FHIT: variants seen among roughly 807,000 people sequenced by gnomAD.
FHIT encodes the protein fragile histidine triad diadenosine triphosphatase, also known as bis(5'-adenosyl)-triphosphatase.
Under a neutral mutation model 17.9 loss-of-function variants are expected in FHIT, and 19 were observed. That is an observed-to-expected ratio of 1.06 (90% CI 0.74 to 1.56). The LOEUF is 1.56. FHIT is among the 40% of genes most tolerant of loss of function. The pLI is 0.00. For missense variants in FHIT, 248 were observed against 189.2 expected (o/e 1.31, Z -1.82); for synonymous variants, 81 against 69.7 (o/e 1.16, Z -0.81).
At chr3:60,174,546 T>C (rs1198399250) in intron 5 of FHIT, among the ~76,000 whole-genome samples, 1 of 152,148 alleles carries the variant, frequency 6.6e-6, no homozygotes, top group Non-Finnish European at 1.5e-5. Flanking sequence ...AAAACAGAAG[T>C]TCAGAGAGAA....
intron 5 of FHIT, among the ~76,000 whole-genome samples, chr3:60,447,010 C>T (rs2031384890): frequency 6.6e-6 from 1 of 152,024 alleles, no homozygotes; most frequent in Non-Finnish European, 1.5e-5. Context: ...CTTGTCTCTT[C>T]AGCCTTATGA....
At chr3:60,403,139 C>T (rs910890345) in intron 5 of FHIT, among the ~76,000 whole-genome samples, 1 of 152,122 alleles carries the variant, frequency 6.6e-6, no homozygotes, top group Non-Finnish European at 1.5e-5. Flanking sequence ...AAAGTAAAAG[C>T]CCGGGATAGA....
chr3:60,239,320 T>A (rs1011618929), intron 5 of FHIT, among the ~76,000 whole-genome samples: 3 of 152,090 alleles, frequency 2.0e-5, no homozygotes, highest in African/African-American at 7.2e-5. Context: ...ACTAACTTGA[T>A]TTGGAAGGCT....
In FHIT at chr3:59,802,155, A is replaced by G. The variant is rs1367592581; in HGVS notation, c.349-49834T>C. ...GCTTATGCAGTGTTTAAAAGATTTA[A>G]AAAATAATTAGACTTGTATTAAAAA... On this transcript the variant is annotated intron_variant, in intron 8 of 9. Coordinates refer to ENST00000492590, the MANE Select transcript of FHIT (RefSeq NM_002012.4). Among the ~76,000 whole-genome samples, 4 of 145,404 alleles carry G rather than the reference A, an allele frequency of 2.8e-5. 1 individual carries two copies. Among genetic ancestry groups the G allele is most frequent in the East Asian group, 4.2e-4 (2 of 4,730 alleles).
At chr3:59,817,939 A>G (rs947434438) in intron 8 of FHIT, among the ~76,000 whole-genome samples, 25 of 152,142 alleles carry the variant, frequency 1.6e-4, no homozygotes, top group Non-Finnish European at 1.5e-5. Context: ...GATAAAACAA[A>G]GGACGAGAGG....
intron 4 of FHIT, among the ~76,000 whole-genome samples, chr3:60,631,159 G>C (rs1197892824): frequency 6.6e-6 from 1 of 152,074 alleles, no homozygotes; most frequent in Non-Finnish European, 1.5e-5. Flanking sequence ...TGGGGAGCTT[G>C]AGGCGCCCCT....
chr3:60,217,962 A>C lies in FHIT; in HGVS notation c.104-203810T>G, dbSNP rs371275572. 1.6e-4 allele frequency among the ~76,000 whole-genome samples: 25 copies of C among 152,314 alleles called. 1 individual carries two copies. Among genetic ancestry groups the C allele is most frequent in the African/African-American group, 5.8e-4 (24 of 41,574 alleles). On this transcript the variant is annotated intron_variant, in intron 5 of 9. Transcript: ENST00000492590. ...ACATATTAAGTCAGACATTAAAGAG[A>C]TTTGCAAAACTATAAAGCAATGCCA...
chr3:60,714,133 G>A lies in FHIT; in HGVS notation c.-18+107786C>T, dbSNP rs527360079. Among the ~76,000 whole-genome samples the A allele has an allele frequency of 2.3e-4, 35 of 152,098 alleles. No individual in the cohort carries two copies. In the East Asian group the frequency reaches 5.8e-3, roughly 25 times the overall value. ...GGGATGCAAGGCTGGTTCAATATACGCAAATCAATAAATGTAATCCAGCAT... is the reference window on the plus strand; with the variant it reads ...GGGATGCAAGGCTGGTTCAATATACACAAATCAATAAATGTAATCCAGCAT... On this transcript the variant is annotated intron_variant, in intron 4 of 9. Coordinates refer to ENST00000492590, the MANE Select transcript of FHIT (RefSeq NM_002012.4).
At chr3:59,920,281 A>T (rs536008372) in intron 8 of FHIT, among the ~76,000 whole-genome samples, 1 of 152,322 alleles carries the variant, frequency 6.6e-6, no homozygotes, top group African/African-American at 2.4e-5. Context: ...CAATCTCTAC[A>T]TAGTCTTGTA....
At chr3:60,695,850 T>C (rs782241225) in intron 4 of FHIT, among the ~76,000 whole-genome samples, 2 of 152,076 alleles carry the variant, frequency 1.3e-5, no homozygotes. Flanking sequence ...ATTATGAGGG[T>C]TGTTGTGAGA....
chr3:60,594,139 T>C lies in FHIT; in HGVS notation c.-17-57160A>G, dbSNP rs1379761741. On this transcript the variant is annotated intron_variant, in intron 4 of 9. Coordinates refer to ENST00000492590, the MANE Select transcript of FHIT (RefSeq NM_002012.4). Reference sequence around the variant, plus strand: ...AAAATATTGTTTCCAGTTTTCTGTATAGAAGTCACTGAAGGAGGATGTGTG... The same window carrying C: ...AAAATATTGTTTCCAGTTTTCTGTACAGAAGTCACTGAAGGAGGATGTGTG... Among the ~76,000 whole-genome samples, 3 of 152,260 alleles carry C rather than the reference T, an allele frequency of 2.0e-5. No homozygotes were observed. In the South Asian group the frequency reaches 6.2e-4, roughly 32 times the overall value.
intron 5 of FHIT, among the ~76,000 whole-genome samples, chr3:60,056,677 A>T (rs1170148626): frequency 6.6e-6 from 1 of 152,232 alleles, no homozygotes; most frequent in Non-Finnish European, 1.5e-5. Flanking sequence ...ATACCAGGAA[A>T]GCAGAAGCAT....
At chr3:60,694,312 GGAAA>G (rs1393652038) in intron 4 of FHIT, among the ~76,000 whole-genome samples, 6 of 151,568 alleles carry the variant, frequency 4.0e-5, no homozygotes, top group East Asian at 3.9e-4. Flanking sequence ...AAAAAAGAAA[GGAAA>G]GAAAGAAAGA....
chr3:60,849,441 AATAT>A (rs10662932), intron 3 of FHIT, among the ~76,000 whole-genome samples: 27,553 of 137,638 alleles, frequency 0.2, 3,025 homozygotes, highest in Middle Eastern at 0.29. Context: ...ACAAAAATGA[AATAT>A]ATATATATAT....
intron 1 of FHIT, among the ~76,000 whole-genome samples, chr3:61,235,427 TA>T (rs879536226): frequency 1.8e-4 from 26 of 147,908 alleles, no homozygotes; most frequent in African/African-American, 3.0e-4. Flanking sequence ...TAATCTAATT[TA>T]AAAAAAAAAA....
intron 5 of FHIT, among the ~76,000 whole-genome samples, chr3:60,252,208 C>T (rs187411096): frequency 7.2e-5 from 11 of 152,028 alleles, no homozygotes; most frequent in African/African-American, 1.9e-4. Flanking sequence ...ATGAATCAGA[C>T]GAGAGGAAAT....
At chr3:60,114,048 T>A (rs1162849291) in intron 5 of FHIT, among the ~76,000 whole-genome samples, 1 of 36,712 alleles carries the variant, frequency 2.7e-5, no homozygotes, top group Non-Finnish European at 6.3e-5. Flanking sequence ...TATATATATA[T>A]ATATATATAT....
intron 8 of FHIT, among the ~76,000 whole-genome samples, chr3:59,815,695 A>T (rs1265548085): frequency 6.6e-6 from 1 of 152,130 alleles, no homozygotes; most frequent in African/African-American, 2.4e-5. Context: ...ATGAAGACAC[A>T]AAGGCATAAA....
intron 5 of FHIT, among the ~76,000 whole-genome samples, chr3:60,400,662 C>T (rs554197604): frequency 4.6e-5 from 7 of 152,030 alleles, no homozygotes; most frequent in Non-Finnish European, 1.0e-4. Flanking sequence ...GAAACTCACA[C>T]GTGTCTGAAA....
Sources: allele counts gnomAD v4.1 joint callset (sites outside exome capture counted in the v4.1 genomes callset), GRCh38; gene constraint gnomAD v4.1.1; transcripts MANE v1.5; gene names NCBI Gene and HGNC (gene_info 2026-07-23, HGNC 2026-07-21).